GRIN1: variants seen among roughly 807,000 people sequenced by gnomAD.
GRIN1 encodes glutamate ionotropic receptor NMDA type subunit 1.
In GRIN1, 38 loss-of-function variants were observed where a neutral mutation model predicts 103.0. The ratio of observed to expected loss-of-function variants is 0.37; its 90% CI spans 0.28 to 0.48. The LOEUF is 0.48. Ranked by LOEUF, GRIN1 falls within the 20% of genes least tolerant of loss-of-function variation. The probability of loss-of-function intolerance (pLI) is 0.98; values close to 1 mark genes in which losing one functional copy is unlikely to be tolerated. For synonymous variants in GRIN1, 544 were observed against 532.7 expected (o/e 1.02, Z -0.29); for missense variants, 577 against 1,288.9 (o/e 0.45, Z 8.46).
intron 10 of GRIN1, 51 bp from the exon 11 acceptor site, chr9:137,161,873 G>A (rs1167742712): frequency 1.3e-6 from 2 of 1,540,354 alleles, no homozygotes; most frequent in African/African-American, 2.7e-5. Context: ...TACCTGTGGC[G>A]GGAGCTGGGA....
chr9:137,161,500 G>A (rs1833539374), intron 10 of GRIN1, 84 bp downstream of exon 10: 2 of 1,335,600 alleles, frequency 1.5e-6, no homozygotes, highest in Admixed American at 4.0e-5. Context: ...AGTAGGCGGG[G>A]CTTGCAGATG....
At position 137,141,872 on chromosome 9, in the gene GRIN1, G is replaced by C. The variant is rs184820620; in HGVS notation, c.259-141G>C. On this transcript the variant is annotated intron_variant, in intron 1 of 19. Transcript: ENST00000371561. ...GTGGGCATGTGTGCATCTGGGCCTG[G>C]GCATGTAGCATGTACCCGAATCATG... is the stretch of plus-strand genomic sequence containing the variant. 29 of 893,406 alleles carry C rather than the reference G, an allele frequency of 3.2e-5. No homozygotes were observed. The Admixed American group carries it at 3.6e-4, about 11-fold the overall frequency. 55.3% of individuals were successfully genotyped at this position (893,406 alleles called of 1,614,324 possible).
chr9:137,158,115 G>A (rs993414062), intron 6 of GRIN1, among the ~76,000 whole-genome samples: 2 of 152,230 alleles, frequency 1.3e-5, no homozygotes, highest in African/African-American at 4.8e-5. Flanking sequence ...AGCCGGGTCT[G>A]GCACCCATAA....
intron 8 of GRIN1, among the ~76,000 whole-genome samples, chr9:137,160,825 C>T (rs186486522): frequency 6.6e-6 from 1 of 152,198 alleles, no homozygotes; most frequent in Admixed American, 6.5e-5. Context: ...CCCACCCCCC[C>T]GGGGCTGCAG....
At chr9:137,152,897 A>C (rs1832984595) in intron 4 of GRIN1, among the ~76,000 whole-genome samples, 1 of 152,010 alleles carries the variant, frequency 6.6e-6, no homozygotes, top group Admixed American at 6.6e-5. Flanking sequence ...GGTCATACAC[A>C]ACACACACGC....
chr9:137,141,589 C>G (rs1832164844), intron 1 of GRIN1, among the ~76,000 whole-genome samples: 1 of 152,196 alleles, frequency 6.6e-6, no homozygotes, highest in East Asian at 1.9e-4. Flanking sequence ...TCAGAGCTGC[C>G]CGCCCTGTCT....
chr9:137,164,737 C>T, intron 18 of GRIN1: 1 of 234,112 alleles, frequency 4.3e-6, no homozygotes, highest in South Asian at 5.7e-5. Flanking sequence ...CTGCCTCTGT[C>T]ACTCCAATTC....
Position 137,145,640 on chromosome 9 carries a change from C to T in GRIN1, c.394-86C>T, listed in dbSNP as rs898539789. The T allele has an allele frequency of 2.5e-5, 24 of 943,062 alleles. No homozygotes were observed. The African/African-American group carries it at 3.5e-4, about 14-fold the overall frequency. 58.4% of individuals were successfully genotyped at this position (943,062 alleles called of 1,614,324 possible). On this transcript the variant is annotated intron_variant, in intron 2 of 19. Coordinates refer to ENST00000371561, the MANE Select transcript of GRIN1 (RefSeq NM_007327.4). Reference sequence around the variant, plus strand: ...TGGGAGGAGGGGGGTTCCCAGCCTCCGGCGGGTGTTCCGGCAGTGGGAGGC... The same window carrying T: ...TGGGAGGAGGGGGGTTCCCAGCCTCTGGCGGGTGTTCCGGCAGTGGGAGGC...
rs762291713 is a variant in GRIN1 at position 137,142,099 on chromosome 9, C to T, written c.345C>T (p.Arg115=). The T allele has an allele frequency of 6.2e-7, 1 of 1,614,234 alleles. No individual in the cohort carries two copies. Among genetic ancestry groups the T allele is most frequent in the South Asian group, 1.1e-5 (1 of 91,088 alleles). Residue 115 remains arginine (R), a synonymous_variant, in exon 2 of 20, where the codon CGC becomes CGT. Coordinates refer to ENST00000371561, the MANE Select transcript of GRIN1 (RefSeq NM_007327.4). ...TCTCCTACACAGCCGGCTTCTACCG[C>T]ATACCCGTGCTGGGGCTGACCACCC... is the stretch of plus-strand genomic sequence containing the variant. ...TPVSYTAGFY[R]IPVLGLTTRM...
rs759319853 is a variant in GRIN1, at chr9:137,162,574, C to A, written c.1865-17C>A. ...TCGGCCCTCTAGGGTCTGACAGAGC[C>A]CCCCGCCCGCCCACAGGCGCCCCCA... On this transcript the variant is annotated splice_polypyrimidine_tract_variant and intron_variant, in intron 13 of 19. Transcript: ENST00000371561. 2.5e-6 allele frequency: 4 copies of A among 1,611,254 alleles called. No homozygotes were observed. The highest frequency in any genetic ancestry group is 1.3e-5 in the African/African-American group (1 of 74,892).
intron 6 of GRIN1, 111 bp from the exon 7 acceptor site, chr9:137,158,268 C>T: frequency 8.3e-7 from 1 of 1,202,290 alleles, no homozygotes; most frequent in Non-Finnish European, 1.2e-6. Context: ...GGAGAAGGAG[C>T]AGGGAGAAGG....
rs1464941427 is a variant in GRIN1, at chr9:137,156,697, G to A, written c.700G>A (p.Ala234Thr). 6 of 1,596,960 alleles carry A rather than the reference G, an allele frequency of 3.8e-6. No homozygotes were observed. Among genetic ancestry groups the A allele is most frequent in the East Asian group, 4.5e-5 (2 of 43,992 alleles). Reference sequence around the variant, plus strand: ...GGACGATGCTGCCACTGTATACCGCGCAGCCGCGATGCTGAACATGACGGG... The same window carrying A: ...GGACGATGCTGCCACTGTATACCGCACAGCCGCGATGCTGAACATGACGGG... ...SEDDAATVYR[A>T]AAMLNMTGSG... Residue 234 changes from alanine to threonine, a missense_variant, in exon 5 of 20, where the codon GCA becomes ACA. Ala to Thr is a moderately conservative substitution (Grantham distance 58). Around this residue, in one of 9 missense-constraint regions of GRIN1, gnomAD observed 308 missense variants for 553.6 expected, o/e 0.56. Coordinates refer to ENST00000371561, the MANE Select transcript of GRIN1 (RefSeq NM_007327.4).
chr9:137,159,624 C>T (rs1833422933), intron 8 of GRIN1, among the ~76,000 whole-genome samples: 1 of 152,248 alleles, frequency 6.6e-6, no homozygotes, highest in Non-Finnish European at 1.5e-5. Context: ...CAAAAGGCCC[C>T]ATCTAGGCTG....
At chr9:137,160,961 G>A (rs984256730) in intron 8 of GRIN1, 95 bp from the exon 9 acceptor site, 60 of 1,520,582 alleles carry the variant, frequency 3.9e-5, no homozygotes, top group Non-Finnish European at 4.4e-5. Context: ...CGGGGATTAA[G>A]AGGGGCGCCA....
chr9:137,151,359 G>GA (rs906031085), intron 4 of GRIN1, among the ~76,000 whole-genome samples: 2 of 131,364 alleles, frequency 1.5e-5, no homozygotes, highest in South Asian at 2.7e-4. Flanking sequence ...GCCCCGCCCA[G>GA]AAAAAAAGCC....
intron 8 of GRIN1, among the ~76,000 whole-genome samples, chr9:137,159,833 C>T (rs1833434046): frequency 6.6e-6 from 1 of 152,190 alleles, no homozygotes; most frequent in Admixed American, 6.5e-5. Context: ...GGCCTGCCCC[C>T]CTCTCAGGCT....
In GRIN1 at chr9:137,156,669, C is replaced by G; in HGVS notation, c.672C>G (p.Ser224Arg). Reference sequence around the variant, plus strand: ...CCCGTCATCCCCGTCTGCCCCACAGCGAGGACGATGCTGCCACTGTATACC... The same window carrying G: ...CCCGTCATCCCCGTCTGCCCCACAGGGAGGACGATGCTGCCACTGTATACC... ...LEARVIILSA[S>R]EDDAATVYRA... The change falls in exon 5 of 20, where the codon AGC becomes AGG. Residue 224 changes from serine (S) to arginine (R), a missense_variant and splice_region_variant. By Grantham distance (110) the Ser-to-Arg change is moderately radical. This residue lies in a region of GRIN1 where 308 missense variants were observed against 553.6 expected (regional missense o/e 0.56). Coordinates refer to ENST00000371561, the MANE Select transcript of GRIN1 (RefSeq NM_007327.4). The G allele has an allele frequency of 6.2e-7, 1 of 1,600,226 alleles. No homozygotes were observed. The highest frequency in any genetic ancestry group is 8.5e-7 in the Non-Finnish European group (1 of 1,174,888).
intron 8 of GRIN1, among the ~76,000 whole-genome samples, chr9:137,160,728 C>T (rs765333114): frequency 1.3e-5 from 2 of 152,208 alleles, no homozygotes; most frequent in East Asian, 1.9e-4. Context: ...CAGCACCTGG[C>T]GGGGAATCAT....
Position 137,162,622 on chromosome 9 carries a change from G to A in GRIN1, c.1896G>A (p.Leu632=). The change falls in exon 14 of 20, where the codon CTG becomes CTA. Residue 632 remains leucine, a synonymous_variant. Transcript: ENST00000371561. ...GAPRSFSARI[L]GMVWAGFAMI... ...CCAGAAGCTTCTCAGCGCGCATCCT[G>A]GGCATGGTGTGGGCCGGCTTTGCCA... is the stretch of plus-strand genomic sequence containing the variant. The A allele has an allele frequency of 6.2e-7, 1 of 1,612,712 alleles. No homozygotes were observed. Among genetic ancestry groups the A allele is most frequent in the Admixed American group, 1.7e-5 (1 of 59,992 alleles).
Sources: allele counts gnomAD v4.1 joint callset (sites outside exome capture counted in the v4.1 genomes callset), GRCh38; gene constraint gnomAD v4.1.1; regional missense constraint gnomAD v4.1.1; transcripts MANE v1.5; gene names NCBI Gene and HGNC (gene_info 2026-07-23, HGNC 2026-07-21).